Variants in SLX4IP observed in about 807,000 individuals in gnomAD.
SLX4IP encodes protein SLX4IP.
SLX4IP carries 34 observed loss-of-function variants against 32.9 expected under a neutral mutation model. The ratio of observed to expected loss-of-function variants is 1.03; its 90% CI spans 0.79 to 1.38. SLX4IP has a LOEUF of 1.38. Ranked by LOEUF, SLX4IP falls within the 40% of genes most tolerant of loss-of-function variation. The pLI is 0.00. For missense variants in SLX4IP, 444 were observed against 479.0 expected (o/e 0.93, Z 0.68); for synonymous variants, 172 against 171.7 (o/e 1.00, Z -0.01).
At chr20:10,463,182 G>A (rs1465655448) in intron 2 of SLX4IP, among the ~76,000 whole-genome samples, 8 of 152,212 alleles carry the variant, frequency 5.3e-5, no homozygotes, top group Admixed American at 3.3e-4. Context: ...GAATGGACTC[G>A]AGAGACAGAA....
chr20:10,506,437 T>C (rs1052310059), intron 2 of SLX4IP, among the ~76,000 whole-genome samples: 3 of 152,204 alleles, frequency 2.0e-5, no homozygotes, highest in Non-Finnish European at 4.4e-5. Flanking sequence ...ACTGAACACC[T>C]CAAATGTGTC....
At chr20:10,586,764 CTA>C (rs1302960476) in intron 4 of SLX4IP, among the ~76,000 whole-genome samples, 1 of 151,990 alleles carries the variant, frequency 6.6e-6, no homozygotes, top group East Asian at 1.9e-4. Flanking sequence ...AAATAAAAGA[CTA>C]TTAAGAACAA....
At chr20:10,532,167 G>A (rs1158043041) in intron 2 of SLX4IP, among the ~76,000 whole-genome samples, 1 of 152,044 alleles carries the variant, frequency 6.6e-6, no homozygotes, top group Non-Finnish European at 1.5e-5. Context: ...ATGATCCACG[G>A]TGGTATGGGA....
At chr20:10,584,980 G>C (rs930981824) in intron 4 of SLX4IP, among the ~76,000 whole-genome samples, 2 of 152,118 alleles carry the variant, frequency 1.3e-5, no homozygotes, top group Admixed American at 1.3e-4. Context: ...ATGTAGAATA[G>C]AAAACAGACT....
intron 6 of SLX4IP, among the ~76,000 whole-genome samples, chr20:10,607,265 C>T (rs562169252): frequency 5.6e-4 from 85 of 152,242 alleles, no homozygotes; most frequent in South Asian, 3.3e-3. Context: ...AGCTGGATTT[C>T]GCTGATGACA....
chr20:10,459,317 G>T (rs1185124212), intron 2 of SLX4IP, among the ~76,000 whole-genome samples: 1 of 152,114 alleles, frequency 6.6e-6, no homozygotes, highest in African/African-American at 2.4e-5. Flanking sequence ...TAGGTTGTCT[G>T]TTCACTGTGA....
At chr20:10,617,652 CTTTTTTTTT>C (rs549525000) in intron 6 of SLX4IP, among the ~76,000 whole-genome samples, 12 of 112,748 alleles carry the variant, frequency 1.1e-4, no homozygotes, top group African/African-American at 3.3e-5. Flanking sequence ...TTCTTTCTTT[CTTTTTTTTT>C]TTTTTTTTTC....
intron 2 of SLX4IP, among the ~76,000 whole-genome samples, chr20:10,534,410 A>G (rs1185348350): frequency 6.6e-6 from 1 of 152,174 alleles, no homozygotes; most frequent in African/African-American, 2.4e-5. Flanking sequence ...GATCAATCAC[A>G]CAGAAGCAGG....
intron 2 of SLX4IP, among the ~76,000 whole-genome samples, chr20:10,464,021 T>C (rs2065360195): frequency 6.6e-6 from 1 of 152,148 alleles, no homozygotes; most frequent in South Asian, 2.1e-4. Context: ...ACATAAAGTA[T>C]ATAAAACTGA....
intron 1 of SLX4IP, among the ~76,000 whole-genome samples, chr20:10,439,827 A>G (rs1157883424): frequency 3.3e-5 from 5 of 152,262 alleles, no homozygotes; most frequent in Non-Finnish European, 1.5e-5. Context: ...GTAGCAAAGT[A>G]GAGATCTATA....
chr20:10,521,496 T>A (rs573563628), intron 2 of SLX4IP, among the ~76,000 whole-genome samples: 1 of 152,336 alleles, frequency 6.6e-6, no homozygotes, highest in Non-Finnish European at 1.5e-5. Context: ...AGGAACCTGA[T>A]GCCCAGGCTA....
chr20:10,622,754 T>C lies in SLX4IP; in HGVS notation c.602T>C (p.Ile201Thr). The C allele has an allele frequency of 6.2e-7, 1 of 1,614,032 alleles. No individual in the cohort carries two copies. The highest frequency in any genetic ancestry group is 8.5e-7 in the Non-Finnish European group (1 of 1,180,014). ...TCTAGTGACTCAGTGATTGCAGAGA[T>C]AGCAAGGAGGAGGAATGATGGTCAG... ...ETSSDSVIAEIARRRNDGQAS... is the reference protein window; with the variant it reads ...ETSSDSVIAETARRRNDGQAS... The change falls in exon 8 of 8, where the codon ATA becomes ACA. Residue 201 changes from isoleucine (I) to threonine (T), a missense_variant. Coordinates refer to ENST00000334534, the MANE Select transcript of SLX4IP (RefSeq NM_001009608.3).
intron 2 of SLX4IP, among the ~76,000 whole-genome samples, chr20:10,547,489 A>C (rs893121174): frequency 6.6e-5 from 10 of 151,956 alleles, no homozygotes; most frequent in Admixed American, 2.0e-4. Flanking sequence ...AACCCGAAAA[A>C]CTCAAGCTTA....
chr20:10,530,370 G>A (rs567008022), intron 2 of SLX4IP, among the ~76,000 whole-genome samples: 5 of 152,258 alleles, frequency 3.3e-5, no homozygotes, highest in African/African-American at 4.8e-5. Flanking sequence ...AGTTCCATTG[G>A]TGTTTTGCGG....
At chr20:10,500,596 T>TA (rs1426348616) in intron 2 of SLX4IP, among the ~76,000 whole-genome samples, 2 of 151,736 alleles carry the variant, frequency 1.3e-5, no homozygotes, top group Non-Finnish European at 2.9e-5. Flanking sequence ...GCAAAAAAAT[T>TA]AAAAAATTAA....
At chr20:10,489,158 A>G (rs945705874) in intron 2 of SLX4IP, among the ~76,000 whole-genome samples, 2 of 152,204 alleles carry the variant, frequency 1.3e-5, no homozygotes, top group Non-Finnish European at 2.9e-5. Flanking sequence ...GGAATCGTGA[A>G]GTGTAGTTCA....
At chr20:10,593,285 A>T (rs1043442379) in intron 4 of SLX4IP, among the ~76,000 whole-genome samples, 2 of 152,250 alleles carry the variant, frequency 1.3e-5, no homozygotes, top group Non-Finnish European at 2.9e-5. Flanking sequence ...CCAAATTTTC[A>T]GGTCATCTGT....
At chr20:10,479,119 C>T (rs1398918095) in intron 2 of SLX4IP, among the ~76,000 whole-genome samples, 7 of 152,134 alleles carry the variant, frequency 4.6e-5, no homozygotes, top group Admixed American at 1.3e-4. Flanking sequence ...GTGGTTAGGA[C>T]GGTGGACTCC....
intron 4 of SLX4IP, among the ~76,000 whole-genome samples, chr20:10,583,698 T>C (rs1038346072): frequency 6.6e-6 from 1 of 152,148 alleles, no homozygotes; most frequent in East Asian, 1.9e-4. Flanking sequence ...CAACACATGA[T>C]TTCTGGTTGT....
Sources: gnomAD v4.1 joint callset for allele counts (sites outside exome capture counted in the v4.1 genomes callset) on GRCh38, gnomAD v4.1.1 for gene constraint, MANE v1.5 for transcripts, NCBI Gene and HGNC (gene_info 2026-07-23, HGNC 2026-07-21) for gene names.